The following DPF3 variants were observed in gnomAD, a reference collection of about 807,000 sequenced individuals.
The protein encoded by DPF3 is double PHD fingers 3.
DPF3 carries 18 observed loss-of-function variants against 56.8 expected under a neutral mutation model. The ratio of observed to expected loss-of-function variants is 0.32; its 90% CI spans 0.22 to 0.47. The LOEUF is 0.47. Ranked by LOEUF, DPF3 falls within the 20% of genes least tolerant of loss-of-function variation. The pLI is 1.00. For missense variants in DPF3, 403 were observed against 488.8 expected, an observed-to-expected ratio of 0.82 and a Z score of 1.65; for synonymous variants, 188 against 180.2, an observed-to-expected ratio of 1.04 and a Z score of -0.35.
At chr14:72,746,712 C>T (rs562242047) in intron 3 of DPF3, among the ~76,000 whole-genome samples, 2 of 152,238 alleles carry the variant, frequency 1.3e-5, no homozygotes. Flanking sequence ...TGGGGTCCTT[C>T]CCCGGGACCC....
At chr14:72,689,104 G>A (rs1169927254) in intron 7 of DPF3, among the ~76,000 whole-genome samples, 3 of 152,180 alleles carry the variant, frequency 2.0e-5, no homozygotes, top group Non-Finnish European at 4.4e-5. Context: ...CAGCATGGGC[G>A]GGGGCGGGGA....
chr14:72,723,599 A>T, intron 5 of DPF3, 34 bp downstream of exon 5: 1 of 1,537,974 alleles, frequency 6.5e-7, no homozygotes, highest in Non-Finnish European at 8.7e-7. Context: ...AGCCTCCCTC[A>T]TCTCTTTCCT....
At chr14:72,671,348 A>G in intron 8 of DPF3, 1 of 1,613,832 alleles carries the variant, frequency 6.2e-7, no homozygotes, top group South Asian at 1.1e-5. Flanking sequence ...GCTGACATGT[A>G]TGATGAATAT....
At chr14:72,697,892 A>AC (rs1245634349) in intron 6 of DPF3, among the ~76,000 whole-genome samples, 1 of 152,064 alleles carries the variant, frequency 6.6e-6, no homozygotes, top group Non-Finnish European at 1.5e-5. Context: ...ACCCAGCCCC[A>AC]CCCACCTCTC....
At chr14:72,863,369 C>T (rs1275458896) in intron 1 of DPF3, among the ~76,000 whole-genome samples, 1 of 151,662 alleles carries the variant, frequency 6.6e-6, no homozygotes, top group Non-Finnish European at 1.5e-5. Flanking sequence ...GACCTGAAGG[C>T]AATTACCACC....
At chr14:72,669,987 G>T in intron 8 of DPF3, 1 of 986,034 alleles carries the variant, frequency 1.0e-6, no homozygotes, top group Non-Finnish European at 1.2e-6. Flanking sequence ...TCATTCTTGG[G>T]ACTGTCAGTG....
rs1481374037 is a variant in DPF3 at position 72,756,906 on chromosome 14, A to AAAG, written c.194-3536_194-3535insCTT. Reference sequence around the variant, plus strand: ...GAAGGAAAGAAAGAAAGAAAAGAAAAAAAGAAAGAAAGAAAGAAAGAAAGA... The same window carrying AAAG: ...GAAGGAAAGAAAGAAAGAAAAGAAAAAAGAAAGAAAGAAAGAAAGAAAGAAAGA... On this transcript the variant is annotated intron_variant, in intron 2 of 10. Transcript: ENST00000556509. Among the ~76,000 whole-genome samples, 257 of 74,706 alleles carry AAAG rather than the reference A, an allele frequency of 3.4e-3. 11 individuals carry two copies. The highest frequency in any genetic ancestry group is 0.016 in the African/African-American group (241 of 14,984). The allele number at this position is 74,706 out of a possible 152,430, so 49.0% of individuals were successfully genotyped here.
intron 1 of DPF3, among the ~76,000 whole-genome samples, chr14:72,881,425 C>T (rs1886319361): frequency 6.6e-6 from 1 of 151,998 alleles, no homozygotes; most frequent in Admixed American, 6.6e-5. Flanking sequence ...GTTTCCAGTC[C>T]AAACCATCAC....
At chr14:72,823,565 T>C (rs1050878284) in intron 1 of DPF3, among the ~76,000 whole-genome samples, 4 of 152,140 alleles carry the variant, frequency 2.6e-5, no homozygotes, top group Admixed American at 1.3e-4. Context: ...GGCTGCAGCA[T>C]TGCGTGGCGA....
At chr14:72,694,845 G>T (rs772534566) in intron 6 of DPF3, among the ~76,000 whole-genome samples, 1 of 152,130 alleles carries the variant, frequency 6.6e-6, no homozygotes, top group Non-Finnish European at 1.5e-5. Context: ...TATTATAGGA[G>T]AATTTTATCA....
At chr14:72,833,096 C>T (rs936646837) in intron 1 of DPF3, among the ~76,000 whole-genome samples, 2 of 152,208 alleles carry the variant, frequency 1.3e-5, no homozygotes, top group African/African-American at 2.4e-5. Flanking sequence ...TTGGATCATT[C>T]TGGCAGAGTA....
In DPF3 at chr14:72,617,227, T is replaced by C. The variant is rs752444420; in HGVS notation, c.*2070A>G. Among the ~76,000 whole-genome samples, 1 of 152,136 alleles carries C rather than the reference T, an allele frequency of 6.6e-6. No individual in the cohort carries two copies. The highest frequency in any genetic ancestry group is 1.5e-5 in the Non-Finnish European group (1 of 68,028). ...GAAGTTGTAGAGCCACAGTTTGGGG[T>C]TTCGGACTTGCTTTTTAAACTTTTA... On this transcript the variant is annotated 3_prime_UTR_variant, in exon 11 of 11. Coordinates refer to ENST00000556509, the MANE Select transcript of DPF3 (RefSeq NM_001280542.3).
chr14:72,684,246 C>T (rs1352061220), intron 7 of DPF3, among the ~76,000 whole-genome samples: 2 of 152,006 alleles, frequency 1.3e-5, no homozygotes, highest in Non-Finnish European at 2.9e-5. Flanking sequence ...GGGGCTTCAC[C>T]ATGTTGACCA....
At chr14:72,750,649 T>C (rs983394675) in intron 3 of DPF3, among the ~76,000 whole-genome samples, 5 of 152,116 alleles carry the variant, frequency 3.3e-5, no homozygotes, top group Non-Finnish European at 7.4e-5. Context: ...AGAAACTTTA[T>C]ATTTTGCTGT....
intron 3 of DPF3, among the ~76,000 whole-genome samples, chr14:72,750,099 A>G (rs955822959): frequency 6.6e-6 from 1 of 152,160 alleles, no homozygotes; most frequent in African/African-American, 2.4e-5. Context: ...TAATTTATAT[A>G]TTAGTTTTAT....
intron 8 of DPF3, chr14:72,662,848 G>A: frequency 1.0e-6 from 1 of 984,556 alleles, no homozygotes; most frequent in Non-Finnish European, 1.2e-6. Context: ...AGAGGGAAAG[G>A]CAATGAAAGA....
chr14:72,723,576 G>T, intron 5 of DPF3, 57 bp downstream of exon 5: 2 of 1,419,506 alleles, frequency 1.4e-6, no homozygotes, highest in Non-Finnish European at 9.6e-7. Context: ...ATCAATCGTT[G>T]GCCGGGCACC....
chr14:72,782,350 A>C (rs540188726), intron 1 of DPF3, among the ~76,000 whole-genome samples: 6 of 151,940 alleles, frequency 3.9e-5, no homozygotes, highest in South Asian at 2.1e-4. Context: ...CAGCCTCCAG[A>C]GTAGCTGGGA....
chr14:72,714,827 T>C (rs1888838962), intron 5 of DPF3, among the ~76,000 whole-genome samples: 1 of 152,132 alleles, frequency 6.6e-6, no homozygotes, highest in South Asian at 2.1e-4. Flanking sequence ...AGGGCAGCTG[T>C]ACTGAAAAGC....
Sources: allele counts gnomAD v4.1 joint callset (sites outside exome capture counted in the v4.1 genomes callset), GRCh38; gene constraint gnomAD v4.1.1; transcripts MANE v1.5; gene names NCBI Gene and HGNC (gene_info 2026-07-23, HGNC 2026-07-21).